Variants in UNC13C observed in about 807,000 individuals in gnomAD.
UNC13C encodes the protein unc-13 homolog C, also known as protein unc-13 homolog C.
Under a neutral mutation model 245.4 loss-of-function variants are expected in UNC13C, and 174 were observed. The observed-to-expected ratio is 0.71, with a 90% CI of 0.63 to 0.80. UNC13C has a LOEUF of 0.80. UNC13C is among the 30% of genes least tolerant of loss of function. The pLI, the probability that UNC13C is intolerant of heterozygous loss-of-function variation, is 0.00. For missense variants in UNC13C, 2,829 were observed against 2,602.9 expected, an observed-to-expected ratio of 1.09 and a Z score of -1.89; for synonymous variants, 992 against 895.1, an observed-to-expected ratio of 1.11 and a Z score of -1.93.
At chr15:54,320,364 A>T (rs186095390) in intron 13 of UNC13C, among the ~76,000 whole-genome samples, 210 of 152,102 alleles carry the variant, frequency 1.4e-3, no homozygotes, top group Admixed American at 2.1e-3. Flanking sequence ...AGTTGAGTTT[A>T]CACATCTTTG....
the UNC13C span, among the ~76,000 whole-genome samples, chr15:53,921,275 G>C: frequency 5.3e-5 from 8 of 152,124 alleles, no homozygotes; most frequent in Non-Finnish European, 7.4e-5. Flanking sequence ...TATAAAAACT[G>C]GTTCTAATAA....
Position 54,013,666 on chromosome 15 carries a change from C to G in UNC13C, c.763C>G (p.Gln255Glu). The G allele has an allele frequency of 6.2e-7, 1 of 1,613,724 alleles. No individual in the cohort carries two copies. Among genetic ancestry groups the G allele is most frequent in the Non-Finnish European group, 8.5e-7 (1 of 1,179,816 alleles). ...MIFKELQGIS[Q>E]IETELSELRG... ...CTTTAAGGAACTTCAGGGAATAAGTCAGATTGAAACAGAACTTTCTGAACT... is the reference window on the plus strand; with the variant it reads ...CTTTAAGGAACTTCAGGGAATAAGTGAGATTGAAACAGAACTTTCTGAACT... Residue 255 changes from glutamine to glutamate, a missense_variant, in exon 2 of 33, where the codon CAG becomes GAG. Gln to Glu is a conservative substitution (Grantham distance 29, BLOSUM62 2). Transcript: ENST00000260323.
intron 14 of UNC13C, among the ~76,000 whole-genome samples, chr15:54,322,449 T>C (rs901311834): frequency 1.3e-4 from 19 of 151,988 alleles, no homozygotes; most frequent in Non-Finnish European, 2.9e-5. Flanking sequence ...CCCTAGTAAG[T>C]GTGAGCTTGG....
At chr15:53,995,991 T>C (rs1894614885) in intron 1 of UNC13C, among the ~76,000 whole-genome samples, 1 of 152,152 alleles carries the variant, frequency 6.6e-6, no homozygotes, top group African/African-American at 2.4e-5. Context: ...CTTGTTCATT[T>C]GTTTGTTTTT....
chr15:54,115,426 A>G (rs1051769432), intron 2 of UNC13C, among the ~76,000 whole-genome samples: 2 of 152,040 alleles, frequency 1.3e-5, no homozygotes, highest in African/African-American at 2.4e-5. Context: ...GTTCCCATGT[A>G]CAGGCATATC....
intron 19 of UNC13C, among the ~76,000 whole-genome samples, chr15:54,482,533 C>G (rs1267980049): frequency 2.0e-5 from 3 of 149,428 alleles, no homozygotes; most frequent in Non-Finnish European, 4.5e-5. Flanking sequence ...TTCCTCCTGA[C>G]TCTGAGCTGA....
the UNC13C span, among the ~76,000 whole-genome samples, chr15:53,869,039 G>C: frequency 6.6e-6 from 1 of 152,270 alleles, no homozygotes; most frequent in South Asian, 2.1e-4. Context: ...AACTTGGGAG[G>C]TCAAGGCTGC....
intron 2 of UNC13C, among the ~76,000 whole-genome samples, chr15:54,130,736 G>C (rs142671523): frequency 0.013 from 2,040 of 152,194 alleles, 52 homozygotes; most frequent in African/African-American, 0.047. Flanking sequence ...TTCCTAGGTG[G>C]AAAGAAAATT....
At chr15:54,374,276 C>T (rs1201051239) in intron 17 of UNC13C, among the ~76,000 whole-genome samples, 1 of 152,164 alleles carries the variant, frequency 6.6e-6, no homozygotes, top group African/African-American at 2.4e-5. Flanking sequence ...AGGCCCTTTC[C>T]ACCCAGGAGC....
At chr15:54,158,085 C>T (rs375684685) in intron 4 of UNC13C, among the ~76,000 whole-genome samples, 29 of 152,120 alleles carry the variant, frequency 1.9e-4, no homozygotes, top group Non-Finnish European at 3.5e-4. Flanking sequence ...ATCTCCAGAA[C>T]GACAAAGAGA....
intron 19 of UNC13C, among the ~76,000 whole-genome samples, chr15:54,458,413 G>T (rs897528497): frequency 6.6e-6 from 1 of 152,118 alleles, no homozygotes; most frequent in Middle Eastern, 3.4e-3. Context: ...TTGTTCTAGG[G>T]TATAATTTAA....
At chr15:53,969,458 G>A in the UNC13C span, among the ~76,000 whole-genome samples, 5 of 152,058 alleles carry the variant, frequency 3.3e-5, no homozygotes, top group African/African-American at 4.8e-5. Context: ...TGAGGCAGGA[G>A]GATTTCTTAA....
intron 2 of UNC13C, among the ~76,000 whole-genome samples, chr15:54,037,260 C>T (rs964838990): frequency 6.6e-6 from 1 of 152,198 alleles, no homozygotes; most frequent in East Asian, 1.9e-4. Flanking sequence ...CTTTTAGGCA[C>T]TCCGGTGATG....
At chr15:54,336,747 A>G (rs2141002377) in intron 16 of UNC13C, among the ~76,000 whole-genome samples, 1 of 152,104 alleles carries the variant, frequency 6.6e-6, no homozygotes, top group Middle Eastern at 3.4e-3. Flanking sequence ...TCTCCATTGA[A>G]TTGCTTTCAT....
Position 54,446,772 on chromosome 15 carries a change from C to T in UNC13C, c.4933+31705C>T, listed in dbSNP as rs150292793. 5.9e-5 allele frequency among the ~76,000 whole-genome samples: 9 copies of T among 152,072 alleles called. No individual in the cohort carries two copies. In the East Asian group the frequency reaches 7.7e-4, roughly 13 times the overall value. On this transcript the variant is annotated intron_variant, in intron 19 of 32. Coordinates refer to ENST00000260323, the MANE Select transcript of UNC13C (RefSeq NM_001080534.3). ...TTGACTTCCTCTTTTCCCAGTTGAA[C>T]GCCCTTTATTTCTTTCTCCTGCCTG...
chr15:53,846,905 C>A, the UNC13C span, among the ~76,000 whole-genome samples: 1 of 152,120 alleles, frequency 6.6e-6, no homozygotes, highest in Non-Finnish European at 1.5e-5. Flanking sequence ...GAGCAAAGCT[C>A]CGTGACTGTG....
intron 4 of UNC13C, among the ~76,000 whole-genome samples, chr15:54,228,151 G>A (rs1020284870): frequency 6.6e-6 from 1 of 152,156 alleles, no homozygotes; most frequent in Non-Finnish European, 1.5e-5. Flanking sequence ...GGCCCATAGT[G>A]AGTACTGCCT....
chr15:54,476,331 T>C (rs1427936255), intron 19 of UNC13C, among the ~76,000 whole-genome samples: 1 of 146,858 alleles, frequency 6.8e-6, no homozygotes, highest in African/African-American at 2.5e-5. Flanking sequence ...CATTTGTCAA[T>C]TTTGGCTTTT....
At chr15:54,332,354 C>T (rs1308650689) in intron 15 of UNC13C, among the ~76,000 whole-genome samples, 2 of 140,314 alleles carry the variant, frequency 1.4e-5, no homozygotes, top group East Asian at 4.0e-4. Flanking sequence ...TATGCACTTG[C>T]AGCTTTAATT....
Sources: allele counts gnomAD v4.1 joint callset (sites outside exome capture counted in the v4.1 genomes callset), GRCh38; gene constraint gnomAD v4.1.1; transcripts MANE v1.5; gene names NCBI Gene and HGNC (gene_info 2026-07-23, HGNC 2026-07-21).